Variants in CPS1 observed in about 807,000 individuals in gnomAD.
The protein encoded by CPS1 is carbamoyl-phosphate synthase 1.
A neutral mutation model predicts 174.6 loss-of-function variants in CPS1; 109 were observed. The ratio of observed to expected loss-of-function variants is 0.62; its 90% CI spans 0.53 to 0.73. CPS1 has a LOEUF of 0.73. Among genes scored for constraint, CPS1 ranks in the 30% least tolerant of loss-of-function variants. The pLI is 0.00. For synonymous variants in CPS1, 637 were observed against 632.0 expected, an observed-to-expected ratio of 1.01 and a Z score of -0.12; for missense variants, 1,689 against 1,821.9, an observed-to-expected ratio of 0.93 and a Z score of 1.33.
At chr2:210,482,375 C>T (rs1202863620) in intron 1 of CPS1, among the ~76,000 whole-genome samples, 2 of 151,056 alleles carry the variant, frequency 1.3e-5, no homozygotes, top group South Asian at 2.1e-4. Context: ...GGTGCGATCT[C>T]GGCTCACTCA....
chr2:210,599,673 C>T (rs534946584), intron 14 of CPS1, 112 bp downstream of exon 14: 43 of 1,191,656 alleles, frequency 3.6e-5, no homozygotes, highest in Non-Finnish European at 5.0e-5. Flanking sequence ...AACCTTTCCT[C>T]TACTGTGTGA....
intron 1 of CPS1, among the ~76,000 whole-genome samples, chr2:210,515,409 A>T (rs2105981298): frequency 6.6e-6 from 1 of 151,492 alleles, no homozygotes; most frequent in East Asian, 1.9e-4. Context: ...AGGTTTCAAT[A>T]TTTCTTTCTG....
chr2:210,554,387 A>G (rs576455115), upstream of CPS1, among the ~76,000 whole-genome samples: 4 of 151,848 alleles, frequency 2.6e-5, no homozygotes, highest in Admixed American at 2.6e-4. Flanking sequence ...ACTTTAGAGT[A>G]GGAGAATTCT....
chr2:210,582,690 T>C lies in CPS1; in HGVS notation c.602T>C (p.Ile201Thr). 4 of 1,612,742 alleles carry C rather than the reference T, an allele frequency of 2.5e-6. No individual in the cohort carries two copies. Among genetic ancestry groups the C allele is most frequent in the Non-Finnish European group, 3.4e-6 (4 of 1,178,946 alleles). The change falls in exon 6 of 38, where the codon ATT becomes ACT. Residue 201 changes from isoleucine (I) to threonine (T), a missense_variant. By Grantham distance (89) the Ile-to-Thr change is moderately conservative. Coordinates refer to ENST00000233072, the MANE Select transcript of CPS1 (RefSeq NM_001875.5). ...DFVDPNKQNL[I>T]AEVSTKDVKV... The stretch of plus-strand genomic sequence containing the variant: ...GTGGATCCAAATAAACAGAATTTGA[T>C]TGCTGAGGTTTCAACCAAGGTGAGG...
intron 1 of CPS1, among the ~76,000 whole-genome samples, chr2:210,504,379 G>A (rs917072583): frequency 9.2e-5 from 14 of 152,288 alleles, no homozygotes; most frequent in Middle Eastern, 3.4e-3. Flanking sequence ...AATAGCTAAC[G>A]TTGAGTGCAA....
intron 1 of CPS1, among the ~76,000 whole-genome samples, chr2:210,547,561 T>C (rs1465477688): frequency 1.3e-5 from 2 of 152,044 alleles, no homozygotes; most frequent in Non-Finnish European, 2.9e-5. Context: ...GCAATTCTCT[T>C]GGTACAGTAC....
At chr2:210,597,412 C>T (rs530338510) in intron 13 of CPS1, among the ~76,000 whole-genome samples, 27 of 151,824 alleles carry the variant, frequency 1.8e-4, no homozygotes, top group Non-Finnish European at 3.8e-4. Flanking sequence ...TTTAACCTTA[C>T]TGAATCTCAA....
At chr2:210,559,151 CATATTT>C (rs1697017818) in intron 1 of CPS1, among the ~76,000 whole-genome samples, 2 of 152,046 alleles carry the variant, frequency 1.3e-5, no homozygotes, top group Admixed American at 1.3e-4. Flanking sequence ...AGATGGACAT[CATATTT>C]TAAAGATAGT....
At chr2:210,664,119 C>A (rs1218278460) in intron 33 of CPS1, among the ~76,000 whole-genome samples, 2 of 152,102 alleles carry the variant, frequency 1.3e-5, no homozygotes, top group Non-Finnish European at 2.9e-5. Flanking sequence ...AGAAAGGGGA[C>A]TCTTTGCCTC....
intron 1 of CPS1, among the ~76,000 whole-genome samples, chr2:210,485,048 GAA>G (rs1478845724): frequency 6.6e-6 from 1 of 151,508 alleles, no homozygotes; most frequent in Non-Finnish European, 1.5e-5. Context: ...CTAACATGGT[GAA>G]ACCCCGTCTC....
chr2:210,563,575 G>T (rs943588287), intron 1 of CPS1, among the ~76,000 whole-genome samples: 2 of 152,056 alleles, frequency 1.3e-5, no homozygotes, highest in African/African-American at 4.8e-5. Context: ...TTTCCATCTT[G>T]ATATAAAAGA....
Position 210,637,843 on chromosome 2 carries a change from G to A in CPS1, c.2829G>A (p.Gln943=). Reference sequence around the variant, plus strand: ...AAAACATCCACCCTTGGGTTAAACAGGTAAAGGAGTTTCCCTTTTCCCCCA... The same window carrying A: ...AAAACATCCACCCTTGGGTTAAACAAGTAAAGGAGTTTCCCTTTTCCCCCA... The part of the protein sequence containing the change: ...LKKNIHPWVK[Q]IDTLAAEYPS... Residue 943 remains glutamine (Q), a splice_region_variant and synonymous_variant, in exon 22 of 38, where the codon CAG becomes CAA. Coordinates refer to ENST00000233072, the MANE Select transcript of CPS1 (RefSeq NM_001875.5). The A allele has an allele frequency of 6.2e-7, 1 of 1,613,828 alleles. No homozygotes were observed. Among genetic ancestry groups the A allele is most frequent in the Non-Finnish European group, 8.5e-7 (1 of 1,179,832 alleles).
chr2:210,603,393 G>A (rs371814732), intron 16 of CPS1, among the ~76,000 whole-genome samples: 1 of 151,760 alleles, frequency 6.6e-6, no homozygotes. Flanking sequence ...AACAACTTGG[G>A]TTTCGTTTTT....
chr2:210,525,758 T>C (rs550514980), intron 1 of CPS1, among the ~76,000 whole-genome samples: 1 of 150,766 alleles, frequency 6.6e-6, no homozygotes, highest in South Asian at 2.1e-4. Context: ...AGAAATTTGC[T>C]TAATATACAG....
At chr2:210,512,873 T>G (rs143026474) in intron 1 of CPS1, among the ~76,000 whole-genome samples, 42,917 of 79,164 alleles carry the variant, frequency 0.54, 15,242 homozygotes, top group Non-Finnish European at 0.64. Context: ...GATATATATA[T>G]ATAGAGATAT....
rs780006153 is a variant in CPS1 at position 210,590,158 on chromosome 2, A to C, written c.764A>C (p.Glu255Ala). 13 of 1,612,958 alleles carry C rather than the reference A, an allele frequency of 8.1e-6. No homozygotes were observed. In the South Asian group the frequency reaches 1.4e-4, roughly 18 times the overall value. ...TGGAACCATGATTTCACCAAGATGG[A>C]GTATGATGGGATTTTGATCGCGGGA... ...VPWNHDFTKM[E>A]YDGILIAGGP... The change falls in exon 8 of 38, where the codon GAG (glutamate) becomes GCG (alanine). Residue 255 changes from glutamate to alanine, a missense_variant. By Grantham distance (107) the Glu-to-Ala change is moderately radical. Coordinates refer to ENST00000233072, the MANE Select transcript of CPS1 (RefSeq NM_001875.5).
intron 21 of CPS1, among the ~76,000 whole-genome samples, chr2:210,621,645 T>C (rs1264796257): frequency 6.6e-6 from 1 of 152,054 alleles, no homozygotes; most frequent in Admixed American, 6.6e-5. Context: ...GTGCATAGAT[T>C]CAATTTTGGT....
chr2:210,492,117 A>G (rs888335459), intron 1 of CPS1, among the ~76,000 whole-genome samples: 2 of 152,246 alleles, frequency 1.3e-5, no homozygotes, highest in African/African-American at 4.8e-5. Flanking sequence ...CTATCCCTCC[A>G]GAATTCTTTT....
In CPS1 at chr2:210,586,106, A is replaced by T. The variant is rs1393710675; in HGVS notation, c.622-1952A>T. ...CATGTAAGACTCAGAGAAAACACAC[A>T]TTGATATTATCTGGTATTCCGGCTC... On this transcript the variant is annotated intron_variant, in intron 6 of 37. Transcript: ENST00000233072. Among the ~76,000 whole-genome samples the T allele has an allele frequency of 5.9e-5, 9 of 151,872 alleles. No homozygotes were observed. In the Admixed American group the frequency reaches 5.9e-4, roughly 10 times the overall value.
Sources: allele counts gnomAD v4.1 joint callset (sites outside exome capture counted in the v4.1 genomes callset), GRCh38; gene constraint gnomAD v4.1.1; transcripts MANE v1.5; gene names NCBI Gene and HGNC (gene_info 2026-07-23, HGNC 2026-07-21).